The following NCOA1 variants were observed in gnomAD, a reference collection of about 807,000 sequenced individuals.
NCOA1 encodes Hin-2 protein.
A neutral mutation model predicts 150.9 loss-of-function variants in NCOA1; 35 were observed. The ratio of observed to expected loss-of-function variants is 0.23; its 90% CI spans 0.18 to 0.31. NCOA1 has a LOEUF of 0.31. Ranked by LOEUF, NCOA1 falls within the 10% of genes least tolerant of loss-of-function variation. The pLI, the probability that NCOA1 is intolerant of heterozygous loss-of-function variation, is 1.00. For missense variants in NCOA1, 1,491 were observed against 1,749.3 expected (o/e 0.85, Z 2.63); for synonymous variants, 590 against 630.0 (o/e 0.94, Z 0.95).
rs150015034 is a variant in NCOA1 at position 24,568,244 on chromosome 2, A to G, written c.-260+3814A>G. ...GTTTTGGGGGATAAGAGCAAAATCA[A>G]TACTTGAGACGGGAAGTTAAGGCCC... On this transcript the variant is annotated intron_variant, in intron 2 of 22. Transcript: ENST00000348332. Among the ~76,000 whole-genome samples the G allele has an allele frequency of 5.3e-4, 80 of 152,336 alleles. No homozygotes were observed. In the East Asian group the frequency reaches 0.015, roughly 29 times the overall value.
intron 2 of NCOA1, among the ~76,000 whole-genome samples, chr2:24,570,486 G>C (rs890836173): frequency 6.6e-6 from 1 of 152,172 alleles, no homozygotes; most frequent in African/African-American, 2.4e-5. Flanking sequence ...GTTTTCTTCA[G>C]AGTATGCTAA....
intron 3 of NCOA1, among the ~76,000 whole-genome samples, chr2:24,615,338 C>T (rs1334265984): frequency 1.3e-5 from 2 of 152,122 alleles, no homozygotes; most frequent in African/African-American, 4.8e-5. Context: ...AGTAAATTAT[C>T]ACAGACCTCT....
rs148376245 is a variant in NCOA1 at position 24,539,043 on chromosome 2, T to G, written c.-395-25252T>G. On this transcript the variant is annotated intron_variant, in intron 1 of 22. Transcript: ENST00000348332. ...CTGTATGTTCTTAACGTGTAAAAGT[T>G]AGGAAGTACAGATAAGCAAAAATCA... Among the ~76,000 whole-genome samples, 1,437 of 152,290 alleles carry G rather than the reference T, an allele frequency of 9.4e-3. 21 individuals carry two copies. Among genetic ancestry groups the G allele is most frequent in the African/African-American group, 0.033 (1,370 of 41,566 alleles).
intron 6 of NCOA1, among the ~76,000 whole-genome samples, chr2:24,671,568 T>C (rs1176089941): frequency 6.6e-6 from 1 of 152,176 alleles, no homozygotes; most frequent in Non-Finnish European, 1.5e-5. Flanking sequence ...GATCCTGTCA[T>C]GTACTTTTTT....
chr2:24,731,561 A>C (rs1352826587), intron 17 of NCOA1, among the ~76,000 whole-genome samples: 1 of 152,210 alleles, frequency 6.6e-6, no homozygotes, highest in Non-Finnish European at 1.5e-5. Context: ...AGAGAAGAGA[A>C]AAGGAGAACT....
intron 3 of NCOA1, among the ~76,000 whole-genome samples, chr2:24,638,954 TCGGATATACCAC>T (rs1299396031): frequency 6.6e-6 from 1 of 152,212 alleles, no homozygotes; most frequent in East Asian, 1.9e-4. Context: ...CTTACATTCC[TCGGATATACCAC>T]TTGATAATAG....
intron 3 of NCOA1, among the ~76,000 whole-genome samples, chr2:24,586,429 C>G (rs1667412661): frequency 6.6e-6 from 1 of 151,952 alleles, no homozygotes; most frequent in South Asian, 2.1e-4. Flanking sequence ...CTCTCTTGCT[C>G]AGGCTGGAGT....
intron 10 of NCOA1, among the ~76,000 whole-genome samples, chr2:24,696,569 GAC>G (rs2148571116): frequency 6.6e-6 from 1 of 152,296 alleles, no homozygotes; most frequent in Non-Finnish European, 1.5e-5. Flanking sequence ...GTTTCAGGAA[GAC>G]AGTTTAAAAT....
chr2:24,638,368 T>C (rs746325203), intron 3 of NCOA1, among the ~76,000 whole-genome samples: 1 of 152,086 alleles, frequency 6.6e-6, no homozygotes, highest in Non-Finnish European at 1.5e-5. Flanking sequence ...ACATTTTCTT[T>C]ATCCATTCAT....
chr2:24,607,189 G>GTTTT (rs397976699), intron 3 of NCOA1, among the ~76,000 whole-genome samples: 2 of 139,452 alleles, frequency 1.4e-5, no homozygotes, highest in African/African-American at 5.3e-5. Flanking sequence ...GGGGTACTGT[G>GTTTT]TTTTTTTTTT....
At chr2:24,559,744 CCTAA>C (rs1666221208) in intron 1 of NCOA1, among the ~76,000 whole-genome samples, 1 of 144,162 alleles carries the variant, frequency 6.9e-6, no homozygotes, top group Non-Finnish European at 1.5e-5. Flanking sequence ...GGATTCGTTG[CCTAA>C]CTCTTTTTCC....
At chr2:24,557,135 C>T (rs913431672) in intron 1 of NCOA1, among the ~76,000 whole-genome samples, 3 of 132,786 alleles carry the variant, frequency 2.3e-5, no homozygotes, top group Non-Finnish European at 4.9e-5. Flanking sequence ...TGCCTTCAGA[C>T]TTTGCTAAAT....
At chr2:24,555,555 A>C (rs1666036605) in intron 1 of NCOA1, among the ~76,000 whole-genome samples, 1 of 152,228 alleles carries the variant, frequency 6.6e-6, no homozygotes, top group African/African-American at 2.4e-5. Context: ...AGGAGTATTC[A>C]TATCGATAAC....
intron 10 of NCOA1, 45 bp from the exon 11 acceptor site, chr2:24,697,613 A>G: frequency 6.6e-7 from 1 of 1,508,600 alleles, no homozygotes. Flanking sequence ...CAGATGATTT[A>G]TATAAAGAGG....
chr2:24,594,963 C>T (rs1667828350), intron 3 of NCOA1, among the ~76,000 whole-genome samples: 1 of 151,962 alleles, frequency 6.6e-6, no homozygotes, highest in South Asian at 2.1e-4. Context: ...AATGGATTGT[C>T]TCATTGAAGA....
At chr2:24,721,792 G>A (rs1424832094) in intron 14 of NCOA1, among the ~76,000 whole-genome samples, 1 of 152,090 alleles carries the variant, frequency 6.6e-6, no homozygotes, top group Non-Finnish European at 1.5e-5. Context: ...CTGGTGTTCT[G>A]GGAAAATTCC....
intron 18 of NCOA1, 62 bp from the exon 19 acceptor site, chr2:24,741,720 GAA>G: frequency 6.7e-7 from 1 of 1,498,884 alleles, no homozygotes; most frequent in East Asian, 2.4e-5. Flanking sequence ...TTAATCCAAT[GAA>G]CTTTCCAGGA....
chr2:24,552,278 C>T (rs1183413198), intron 1 of NCOA1, among the ~76,000 whole-genome samples: 2 of 129,082 alleles, frequency 1.5e-5, no homozygotes, highest in Admixed American at 8.2e-5. Flanking sequence ...TAATGTATCA[C>T]CAATTATTGA....
At chr2:24,511,375 A>G (rs1572365243) in intron 1 of NCOA1, among the ~76,000 whole-genome samples, 1 of 152,190 alleles carries the variant, frequency 6.6e-6, no homozygotes, top group Admixed American at 6.5e-5. Context: ...AAGTGGCTGC[A>G]CCATTTTACA....
Sources: allele counts gnomAD v4.1 joint callset (sites outside exome capture counted in the v4.1 genomes callset), GRCh38; gene constraint gnomAD v4.1.1; transcripts MANE v1.5; gene names NCBI Gene and HGNC (gene_info 2026-07-23, HGNC 2026-07-21).